Variants in INPP4B observed in about 807,000 individuals in gnomAD.
The protein encoded by INPP4B is inositol polyphosphate-4-phosphatase type II B.
Under a neutral mutation model 122.5 loss-of-function variants are expected in INPP4B, and 55 were observed. That is an observed-to-expected ratio of 0.45 (90% CI 0.36 to 0.56). INPP4B has a LOEUF of 0.56. Ranked by LOEUF, INPP4B falls within the 20% of genes least tolerant of loss-of-function variation. INPP4B has a pLI of 0.00. For synonymous variants in INPP4B, 403 were observed against 388.7 expected (o/e 1.04, Z -0.43); for missense variants, 1,000 against 1,097.7 (o/e 0.91, Z 1.26).
chr4:142,337,510 C>A (rs949181155), intron 7 of INPP4B, among the ~76,000 whole-genome samples: 10 of 151,112 alleles, frequency 6.6e-5, no homozygotes, highest in Non-Finnish European at 1.5e-4. Flanking sequence ...TTATATATCA[C>A]TGTATTATTA....
chr4:142,087,684 A>G (rs988660623), intron 23 of INPP4B, among the ~76,000 whole-genome samples: 28 of 152,300 alleles, frequency 1.8e-4, no homozygotes, highest in African/African-American at 6.3e-4. Context: ...AACTGACACA[A>G]ATGAATTTTA....
chr4:142,720,770 T>TATATATA, intron 2 of INPP4B, among the ~76,000 whole-genome samples: 1 of 10,684 alleles, frequency 9.4e-5, no homozygotes, highest in South Asian at 3.6e-3. Flanking sequence ...AATCTCTCTC[T>TATATATA]CTCTCTCTCT....
intron 9 of INPP4B, among the ~76,000 whole-genome samples, chr4:142,304,350 A>G (rs1444934093): frequency 2.0e-5 from 3 of 152,148 alleles, no homozygotes; most frequent in African/African-American, 7.2e-5. Flanking sequence ...CATACAAAAT[A>G]TAACACCAAC....
intron 2 of INPP4B, among the ~76,000 whole-genome samples, chr4:142,496,434 T>C (rs527367356): frequency 4.6e-5 from 7 of 152,284 alleles, no homozygotes; most frequent in Admixed American, 2.6e-4. Flanking sequence ...ATGTATACAG[T>C]AGTAAAATTT....
At chr4:142,586,756 G>T (rs1264111838) in intron 2 of INPP4B, among the ~76,000 whole-genome samples, 1 of 152,130 alleles carries the variant, frequency 6.6e-6, no homozygotes, top group Non-Finnish European at 1.5e-5. Context: ...CTTGTGAGGA[G>T]GAAGGAGAGA....
At chr4:142,527,391 A>G (rs1034904626) in intron 2 of INPP4B, among the ~76,000 whole-genome samples, 1 of 152,006 alleles carries the variant, frequency 6.6e-6, no homozygotes, top group African/African-American at 2.4e-5. Flanking sequence ...AAACATATTT[A>G]CAATATATTT....
At chr4:142,837,765 G>T (rs1469075829) in intron 1 of INPP4B, among the ~76,000 whole-genome samples, 1 of 152,038 alleles carries the variant, frequency 6.6e-6, no homozygotes, top group Admixed American at 6.6e-5. Context: ...TTGGTAATAT[G>T]TATAAGGCAC....
chr4:142,557,754 T>C (rs888545599), intron 2 of INPP4B, among the ~76,000 whole-genome samples: 1 of 152,204 alleles, frequency 6.6e-6, no homozygotes, highest in Non-Finnish European at 1.5e-5. Context: ...TAAAATAATT[T>C]ATATTCCATA....
intron 11 of INPP4B, among the ~76,000 whole-genome samples, chr4:142,243,875 G>C (rs1364307766): frequency 8.0e-5 from 2 of 24,996 alleles, no homozygotes; most frequent in Non-Finnish European, 2.8e-4. Flanking sequence ...TAAAATCTAT[G>C]GTGCTACATG....
At chr4:142,191,924 T>C (rs1836007345) in intron 15 of INPP4B, among the ~76,000 whole-genome samples, 2 of 152,156 alleles carry the variant, frequency 1.3e-5, no homozygotes, top group Admixed American at 1.3e-4. Context: ...TATATATTTG[T>C]ATAATAGTAA....
At chr4:142,681,349 C>G (rs572928673) in intron 2 of INPP4B, among the ~76,000 whole-genome samples, 2 of 151,882 alleles carry the variant, frequency 1.3e-5, no homozygotes, top group Non-Finnish European at 2.9e-5. Context: ...GCATCCTGTT[C>G]AGAGCAAGTG....
intron 2 of INPP4B, among the ~76,000 whole-genome samples, chr4:142,547,261 G>A (rs771974436): frequency 2.6e-5 from 4 of 151,900 alleles, no homozygotes; most frequent in Non-Finnish European, 5.9e-5. Flanking sequence ...AGTATTTCTG[G>A]AGTCTGAGGT....
intron 2 of INPP4B, among the ~76,000 whole-genome samples, chr4:142,610,222 C>T (rs2150334195): frequency 6.6e-6 from 1 of 152,258 alleles, no homozygotes; most frequent in African/African-American, 2.4e-5. Flanking sequence ...GAGTTCTGCA[C>T]AAGCCCTCTT....
In INPP4B at chr4:142,089,480, C is replaced by CACACACAG. The variant is rs1211478932; in HGVS notation, c.2375-3225_2375-3224insCTGTGTGT. Among the ~76,000 whole-genome samples, 82 of 135,042 alleles carry CACACACAG rather than the reference C, an allele frequency of 6.1e-4. 2 individuals are homozygous for CACACACAG. Among genetic ancestry groups the CACACACAG allele is most frequent in the Non-Finnish European group, 8.2e-4 (49 of 59,786 alleles). The allele number at this position is 135,042 out of a possible 152,430, so 88.6% of individuals were successfully genotyped here. On this transcript the variant is annotated intron_variant, in intron 23 of 25. Transcript: ENST00000262992. ...ACACACACACACACACACACACACA[C>CACACACAG]AGAGAGAGAGAGAGAGAAAGTGATA...
intron 25 of INPP4B, chr4:142,029,468 A>G (rs1738447045): frequency 1.0e-6 from 1 of 985,754 alleles, no homozygotes; most frequent in African/African-American, 1.7e-5. Flanking sequence ...GTCCACGGAC[A>G]GTACAAAAGT....
chr4:142,805,623 A>C (rs1382364924), intron 1 of INPP4B, among the ~76,000 whole-genome samples: 1 of 152,162 alleles, frequency 6.6e-6, no homozygotes, highest in Non-Finnish European at 1.5e-5. Context: ...AAGTGAAGAC[A>C]ATGAGGACGA....
chr4:142,153,736 C>A (rs1815652736), intron 17 of INPP4B, among the ~76,000 whole-genome samples: 1 of 152,198 alleles, frequency 6.6e-6, no homozygotes, highest in East Asian at 1.9e-4. Flanking sequence ...CCTACATTAA[C>A]TCTGAAAAAG....
At chr4:142,113,057 G>C in intron 21 of INPP4B, among the ~76,000 whole-genome samples, 1 of 152,074 alleles carries the variant, frequency 6.6e-6, no homozygotes, top group Non-Finnish European at 1.5e-5. Context: ...TCAATACAGT[G>C]AAGCTAAATA....
At chr4:142,557,202 G>A (rs2150103531) in intron 2 of INPP4B, among the ~76,000 whole-genome samples, 1 of 152,238 alleles carries the variant, frequency 6.6e-6, no homozygotes, top group South Asian at 2.1e-4. Context: ...GGCAGCTGAT[G>A]GGAAATTCGG....
Sources: gnomAD v4.1 joint callset for allele counts (sites outside exome capture counted in the v4.1 genomes callset) on GRCh38, gnomAD v4.1.1 for gene constraint, MANE v1.5 for transcripts, NCBI Gene and HGNC (gene_info 2026-07-23, HGNC 2026-07-21) for gene names.